Variants in UST observed in about 807,000 individuals in gnomAD.
UST encodes uronyl 2-sulfotransferase, also known as chondroitin sulfate 2-O-sulfotransferase.
UST carries 21 observed loss-of-function variants against 45.6 expected under a neutral mutation model. That is an observed-to-expected ratio of 0.46 (90% CI 0.33 to 0.66). UST has a LOEUF of 0.66. Among genes scored for constraint, UST ranks in the 30% least tolerant of loss-of-function variants. The probability of loss-of-function intolerance (pLI) is 0.02; values close to 1 mark genes in which losing one functional copy is unlikely to be tolerated. For missense variants in UST, 463 were observed against 512.4 expected (o/e 0.90, Z 0.93); for synonymous variants, 215 against 200.6 (o/e 1.07, Z -0.61).
intron 1 of UST, among the ~76,000 whole-genome samples, chr6:148,765,415 T>C (rs1166775816): frequency 6.6e-6 from 1 of 152,244 alleles, no homozygotes; most frequent in Non-Finnish European, 1.5e-5. Flanking sequence ...TCCAGCTTTG[T>C]TCTTTTTGCT....
At chr6:148,767,781 A>G (rs1442278343) in intron 1 of UST, among the ~76,000 whole-genome samples, 2 of 152,346 alleles carry the variant, frequency 1.3e-5, no homozygotes, top group African/African-American at 4.8e-5. Flanking sequence ...TTTGTTCACA[A>G]CTGCTTTGGT....
At chr6:148,818,659 C>A (rs1275663705) in intron 1 of UST, among the ~76,000 whole-genome samples, 2 of 152,220 alleles carry the variant, frequency 1.3e-5, no homozygotes, top group African/African-American at 4.8e-5. Flanking sequence ...TAGCCAAGTT[C>A]AAAGAGTCTT....
At chr6:148,843,621 A>C (rs1777927951) in intron 1 of UST, among the ~76,000 whole-genome samples, 1 of 152,222 alleles carries the variant, frequency 6.6e-6, no homozygotes, top group Non-Finnish European at 1.5e-5. Flanking sequence ...GAGGTGAAGT[A>C]ATTTGCAGAA....
At chr6:148,854,458 C>A (rs2114790621) in intron 1 of UST, among the ~76,000 whole-genome samples, 1 of 152,284 alleles carries the variant, frequency 6.6e-6, no homozygotes, top group East Asian at 1.9e-4. Flanking sequence ...TTAATTTTGT[C>A]TAAATGTGCT....
At chr6:148,971,629 T>G (rs1484299904) in intron 5 of UST, among the ~76,000 whole-genome samples, 1 of 152,050 alleles carries the variant, frequency 6.6e-6, no homozygotes, top group Admixed American at 6.5e-5. Flanking sequence ...TACAAAGCCC[T>G]GTGGCAGAAG....
intron 6 of UST, among the ~76,000 whole-genome samples, chr6:149,020,717 G>A (rs1309857836): frequency 4.6e-5 from 7 of 152,202 alleles, no homozygotes; most frequent in East Asian, 3.9e-4. Context: ...TTTCTCACTC[G>A]CCTTAGTGTC....
At chr6:149,024,951 A>T (rs1186289597) in intron 7 of UST, among the ~76,000 whole-genome samples, 2 of 151,458 alleles carry the variant, frequency 1.3e-5, no homozygotes, top group African/African-American at 2.4e-5. Flanking sequence ...AAAAACAAAA[A>T]CAAAAAAAAA....
At chr6:149,034,076 C>T (rs1349014129) in intron 7 of UST, among the ~76,000 whole-genome samples, 3 of 152,196 alleles carry the variant, frequency 2.0e-5, no homozygotes, top group Non-Finnish European at 4.4e-5. Flanking sequence ...TTGCTCCTCT[C>T]CATCTTCCTA....
chr6:148,763,624 GT>G (rs1298325640), intron 1 of UST, among the ~76,000 whole-genome samples: 10 of 152,148 alleles, frequency 6.6e-5, no homozygotes, highest in Non-Finnish European at 5.9e-5. Flanking sequence ...GATTCTTATA[GT>G]TTCAGGTTTT....
chr6:148,774,777 G>C (rs150348717), intron 1 of UST, among the ~76,000 whole-genome samples: 1 of 152,132 alleles, frequency 6.6e-6, no homozygotes, highest in African/African-American at 2.4e-5. Context: ...CTAGCACTTC[G>C]GGAGGCCAAG....
chr6:148,807,597 T>C, intron 1 of UST, among the ~76,000 whole-genome samples: 1 of 152,088 alleles, frequency 6.6e-6, no homozygotes, highest in Non-Finnish European at 1.5e-5. Flanking sequence ...GCTGGAGCAG[T>C]AAGATGAACT....
chr6:148,875,928 C>T (rs1778642066), intron 1 of UST, among the ~76,000 whole-genome samples: 1 of 152,202 alleles, frequency 6.6e-6, no homozygotes, highest in African/African-American at 2.4e-5. Flanking sequence ...AAGTGCTGCA[C>T]ACATTTAATA....
chr6:148,965,031 T>G (rs1462420512), intron 5 of UST, among the ~76,000 whole-genome samples: 2 of 152,110 alleles, frequency 1.3e-5, no homozygotes, highest in Non-Finnish European at 2.9e-5. Flanking sequence ...CACAGTCACC[T>G]CTCAGGTAAG....
intron 7 of UST, among the ~76,000 whole-genome samples, chr6:149,053,557 C>T (rs1776519462): frequency 1.3e-5 from 2 of 152,108 alleles, no homozygotes; most frequent in Admixed American, 1.3e-4. Flanking sequence ...TTACTATATG[C>T]TCTATGAGGT....
intron 2 of UST, among the ~76,000 whole-genome samples, chr6:148,897,659 C>G (rs984209785): frequency 6.8e-6 from 1 of 146,074 alleles, no homozygotes; most frequent in Admixed American, 6.8e-5. Context: ...GCCCAGCTAA[C>G]TTTTTTTTTT....
intron 1 of UST, among the ~76,000 whole-genome samples, chr6:148,751,721 C>T (rs1039860518): frequency 9.9e-5 from 15 of 151,932 alleles, no homozygotes; most frequent in African/African-American, 3.6e-4. Flanking sequence ...AGACCATGGT[C>T]TTTCCAATTC....
chr6:148,794,834 AT>A (rs1776918228), intron 1 of UST, among the ~76,000 whole-genome samples: 1 of 152,226 alleles, frequency 6.6e-6, no homozygotes, highest in South Asian at 2.1e-4. Flanking sequence ...TGGGGAACTT[AT>A]TCCTTCTGTT....
chr6:148,897,838 C>G (rs763358023), intron 2 of UST, among the ~76,000 whole-genome samples: 1 of 152,148 alleles, frequency 6.6e-6, no homozygotes, highest in African/African-American at 2.4e-5. Context: ...AGACCAGATA[C>G]GAATCTCTTA....
intron 7 of UST, among the ~76,000 whole-genome samples, chr6:149,072,053 C>A (rs1048899028): frequency 6.6e-6 from 1 of 152,132 alleles, no homozygotes; most frequent in Non-Finnish European, 1.5e-5. Context: ...AAATAACAAT[C>A]GTAGGAGAGA....
Sources: allele counts gnomAD v4.1 joint callset (sites outside exome capture counted in the v4.1 genomes callset), GRCh38; gene constraint gnomAD v4.1.1; transcripts MANE v1.5; gene names NCBI Gene and HGNC (gene_info 2026-07-23, HGNC 2026-07-21).